The following CATSPERE variants were observed in gnomAD, a reference collection of about 807,000 sequenced individuals.
The protein encoded by CATSPERE is cation channel sperm-associated auxiliary subunit epsilon.
Under a neutral mutation model 114.1 loss-of-function variants are expected in CATSPERE, and 93 were observed. The ratio of observed to expected loss-of-function variants is 0.81; its 90% CI spans 0.69 to 0.97. The LOEUF is 0.97. CATSPERE is among the 50% of genes least tolerant of loss of function. The pLI is 0.00. For missense variants in CATSPERE, 1,058 were observed against 1,131.6 expected, an observed-to-expected ratio of 0.93 and a Z score of 0.93; for synonymous variants, 341 against 384.1, an observed-to-expected ratio of 0.89 and a Z score of 1.31.
chr1:244,580,211 ATTTTTT>A (rs747379847), intron 11 of CATSPERE, among the ~76,000 whole-genome samples: 1 of 110,850 alleles, frequency 9.0e-6, no homozygotes, highest in African/African-American at 3.2e-5. Context: ...TAATTTTTGT[ATTTTTT>A]TTTTTTTTTT....
intron 20 of CATSPERE, among the ~76,000 whole-genome samples, chr1:244,622,491 C>T (rs1487255194): frequency 6.6e-6 from 1 of 150,520 alleles, no homozygotes; most frequent in East Asian, 1.9e-4. Context: ...GCAACCTCCA[C>T]CTCCCGGGTT....
At position 244,619,690 on chromosome 1, in the gene CATSPERE, G is replaced by A. The variant is rs547942133; in HGVS notation, c.2648+2004G>A. ...GGGGCCTCCTGGTTTGGGGATGGGA[G>A]AACACGTATTATGCCTAATTCTCAT... On this transcript the variant is annotated intron_variant, in intron 20 of 21. Coordinates refer to ENST00000366534, the MANE Select transcript of CATSPERE (RefSeq NM_001130957.2). 6.6e-5 allele frequency among the ~76,000 whole-genome samples: 10 copies of A among 152,308 alleles called. No homozygotes were observed. The East Asian group carries it at 1.9e-3, about 29-fold the overall frequency.
upstream of CATSPERE, among the ~76,000 whole-genome samples, chr1:244,453,286 G>A (rs543216888): frequency 6.6e-6 from 1 of 152,290 alleles, no homozygotes; most frequent in Admixed American, 6.5e-5. Flanking sequence ...AGGTAGTGTT[G>A]GGCAGATAGT....
At chr1:244,470,809 T>A (rs1028490089) in intron 2 of CATSPERE, among the ~76,000 whole-genome samples, 1 of 152,246 alleles carries the variant, frequency 6.6e-6, no homozygotes, top group African/African-American at 2.4e-5. Context: ...AGTATGTTTA[T>A]ATAATGGAAC....
chr1:244,564,931 T>C (rs1010044878), intron 10 of CATSPERE, among the ~76,000 whole-genome samples: 1 of 152,166 alleles, frequency 6.6e-6, no homozygotes, highest in African/African-American at 2.4e-5. Context: ...CATCAATACC[T>C]AGTTTATTGA....
At chr1:244,500,295 G>T (rs1385866188) in intron 7 of CATSPERE, among the ~76,000 whole-genome samples, 1 of 151,756 alleles carries the variant, frequency 6.6e-6, no homozygotes, top group Admixed American at 6.6e-5. Flanking sequence ...TCTGTAGTTT[G>T]CCTTTTCACT....
At chr1:244,635,019 A>G (rs1338526834) in intron 20 of CATSPERE, among the ~76,000 whole-genome samples, 1 of 152,046 alleles carries the variant, frequency 6.6e-6, no homozygotes, top group Admixed American at 6.5e-5. Flanking sequence ...TAATTTTTGT[A>G]TTTTTAGTAG....
chr1:244,607,057 C>T lies in CATSPERE; in HGVS notation c.2403+1263C>T, dbSNP rs888815844. Among the ~76,000 whole-genome samples the T allele has an allele frequency of 6.6e-6, 1 of 152,194 alleles. No homozygotes were observed. The highest frequency in any genetic ancestry group is 2.4e-5 in the African/African-American group (1 of 41,456). On this transcript the variant is annotated intron_variant, in intron 18 of 21. Transcript: ENST00000366534. The surrounding 1 kb of genome is among the most constrained non-coding windows in gnomAD (Gnocchi z 4.4). ...CATCTTCTCCCTTGGTCCAGACTCC[C>T]ATCACTCTCTTCCTTCTCAAACCTT...
At chr1:244,606,608 T>TC (rs1329190281) in intron 18 of CATSPERE, among the ~76,000 whole-genome samples, 2 of 146,772 alleles carry the variant, frequency 1.4e-5, no homozygotes, top group African/African-American at 5.0e-5. Context: ...TTCTTTTGCT[T>TC]TTTTTTTTTT....
At chr1:244,532,431 G>A (rs1039269874) in intron 8 of CATSPERE, among the ~76,000 whole-genome samples, 2 of 151,732 alleles carry the variant, frequency 1.3e-5, no homozygotes, top group African/African-American at 2.4e-5. Flanking sequence ...TACTATTTTT[G>A]TTATAGGCAC....
chr1:244,564,921 C>T (rs1663194144), intron 10 of CATSPERE, among the ~76,000 whole-genome samples: 1 of 152,068 alleles, frequency 6.6e-6, no homozygotes, highest in Non-Finnish European at 1.5e-5. Flanking sequence ...AGACACATTG[C>T]ATCAATACCT....
chr1:244,596,973 T>C (rs1331509494), intron 17 of CATSPERE, among the ~76,000 whole-genome samples: 2 of 152,102 alleles, frequency 1.3e-5, no homozygotes, highest in Non-Finnish European at 2.9e-5. Context: ...TCTGCCTTCC[T>C]GTCACTATAG....
rs917350428 is a variant in CATSPERE, at chr1:244,455,110, A to G, written n.237+497A>G. On this transcript the variant is annotated intron_variant and non_coding_transcript_variant, in intron 1 of 15. Transcript: ENST00000473875. ...TCTGTAGGCTCCTTCTGGGAAGCAC[A>G]ATAGAAACTGCTCAATACTGTGTAA... Among the ~76,000 whole-genome samples, 4 of 152,198 alleles carry G rather than the reference A, an allele frequency of 2.6e-5. No individual in the cohort carries two copies. The East Asian group carries it at 7.7e-4, about 29-fold the overall frequency.
intron 1 of CATSPERE, 62 bp downstream of exon 1, chr1:244,461,556 G>A: frequency 8.1e-7 from 1 of 1,233,632 alleles, no homozygotes; most frequent in Non-Finnish European, 1.0e-6. Context: ...GGGGCAGGCG[G>A]GAGGGTCCTG....
chr1:244,451,850 A>G, upstream of CATSPERE: 1 of 1,528,048 alleles, frequency 6.5e-7, no homozygotes, highest in African/African-American at 1.4e-5. This position sits in a 1 kb window ranked among gnomAD's most constrained non-coding sequence, Gnocchi z 6.6. Context: ...CCCGAAGGAG[A>G]GGCGGCCGGC....
upstream of CATSPERE, among the ~76,000 whole-genome samples, chr1:244,459,191 G>C (rs1666428459): frequency 6.6e-6 from 1 of 150,646 alleles, no homozygotes; most frequent in Admixed American, 6.7e-5. Context: ...CAATTCTCCT[G>C]CCTCAGCCTC....
At chr1:244,597,571 T>G (rs1378799616) in intron 17 of CATSPERE, among the ~76,000 whole-genome samples, 2 of 151,914 alleles carry the variant, frequency 1.3e-5, no homozygotes, top group Non-Finnish European at 2.9e-5. Context: ...GATTTTGTTT[T>G]TAATTTTCTT....
chr1:244,461,617 C>T (rs562127962), intron 1 of CATSPERE, 123 bp downstream of exon 1: 24 of 696,230 alleles, frequency 3.4e-5, no homozygotes, highest in South Asian at 2.1e-4. Flanking sequence ...ACCACTGCCT[C>T]GTCTCCTGGC....
intron 13 of CATSPERE, among the ~76,000 whole-genome samples, chr1:244,584,491 G>T (rs1046457349): frequency 6.6e-6 from 1 of 151,606 alleles, no homozygotes; most frequent in Non-Finnish European, 1.5e-5. Flanking sequence ...ATGGAGGGAT[G>T]AAATAGTATC....
Sources: allele counts gnomAD v4.1 joint callset (sites outside exome capture counted in the v4.1 genomes callset), GRCh38; gene constraint gnomAD v4.1.1; non-coding constraint Gnocchi (gnomAD v3.1); transcripts MANE v1.5; gene names NCBI Gene and HGNC (gene_info 2026-07-23, HGNC 2026-07-21).